FEV: variants seen among roughly 807,000 people sequenced by gnomAD.
The protein encoded by FEV is FEV transcription factor, ETS family member, also known as protein FEV.
In FEV, 14 loss-of-function variants were observed where a neutral mutation model predicts 20.5. The observed-to-expected ratio is 0.68, with a 90% CI of 0.45 to 1.07. The LOEUF (loss-of-function observed/expected upper bound fraction) is 1.07. Ranked by LOEUF, FEV falls within the 50% of genes least tolerant of loss-of-function variation. FEV has a pLI of 0.00. For synonymous variants in FEV, 188 were observed against 163.7 expected (o/e 1.15, Z -1.13); for missense variants, 301 against 345.3 (o/e 0.87, Z 1.02).
rs1945415090 is a variant in FEV, at chr2:218,984,002, T to TG, written c.127+228dup. On this transcript the variant is annotated intron_variant, in intron 2 of 2. Coordinates refer to ENST00000295727, the MANE Select transcript of FEV (RefSeq NM_017521.3). The surrounding 1 kb of genome is among the most constrained non-coding windows in gnomAD (Gnocchi z 5.0). ...AACCATACACAGCAGCAAAAGGGCC[T>TG]GGGGCTGGGATCCTCTCCATCTGCC... 6.6e-6 allele frequency among the ~76,000 whole-genome samples: 1 copy of TG among 152,192 alleles called. No individual in the cohort carries two copies. Among genetic ancestry groups the TG allele is most frequent in the African/African-American group, 2.4e-5 (1 of 41,446 alleles).
Position 218,984,454 on chromosome 2 carries a change from C to A in FEV, c.53-149G>T, listed in dbSNP as rs780758293. The A allele has an allele frequency of 2.6e-5, 18 of 693,416 alleles. No homozygotes were observed. Among genetic ancestry groups the A allele is most frequent in the Non-Finnish European group, 4.0e-5 (17 of 426,894 alleles). The allele number at this position is 693,416 out of a possible 1,614,324, so 43.0% of individuals were successfully genotyped here. A position where few individuals can be genotyped will look rare whatever the true frequency, so the allele number is the denominator to read the frequency against. ...GGCCACCCGGCTCCTCCTCCCGGAG[C>A]CTGGTCCAGGCGCGCTGCGCGGAGC... is the stretch of plus-strand genomic sequence containing the variant. On this transcript the variant is annotated intron_variant, in intron 1 of 2. Coordinates refer to ENST00000295727, the MANE Select transcript of FEV (RefSeq NM_017521.3). This position sits in a 1 kb window ranked among gnomAD's most constrained non-coding sequence, Gnocchi z 5.0.
chr2:218,982,196 G>T lies in FEV; in HGVS notation c.188C>A (p.Ala63Asp), dbSNP rs779455782. 1 of 1,610,786 alleles carries T rather than the reference G, an allele frequency of 6.2e-7. No homozygotes were observed. The highest frequency in any genetic ancestry group is 1.7e-5 in the Admixed American group (1 of 59,824). ...ACCGCCCTCCCACGCGATGCAGCCG[G>T]CGTTCGCGCGGTCAGCCAGCAGCTC... ...LLELLADRAN[A>D]GCIAWEGGHG... The change falls in exon 3 of 3, where the codon GCC (alanine) becomes GAC (aspartate). Residue 63 changes from alanine (A) to aspartate (D), a missense_variant. Coordinates refer to ENST00000295727, the MANE Select transcript of FEV (RefSeq NM_017521.3).
In FEV at chr2:218,981,572, G is replaced by T; in HGVS notation, c.*95C>A. On this transcript the variant is annotated 3_prime_UTR_variant, in exon 3 of 3. Coordinates refer to ENST00000295727, the MANE Select transcript of FEV (RefSeq NM_017521.3). This position sits in a 1 kb window ranked among gnomAD's most constrained non-coding sequence, Gnocchi z 4.5. ...GGAGTAAACTCTGGATTAGAGGACG[G>T]TTGACGGAGGCTCCCGGGCCCTCCC... is the stretch of plus-strand genomic sequence containing the variant. 9.7e-7 allele frequency: 1 copy of T among 1,028,030 alleles called. No homozygotes were observed. Among genetic ancestry groups the T allele is most frequent in the Non-Finnish European group, 1.3e-6 (1 of 799,996 alleles). 63.7% of individuals were successfully genotyped at this position (1,028,030 alleles called of 1,614,324 possible).
In FEV at chr2:218,984,515, GA is replaced by G; in HGVS notation, c.53-211del. The G allele has an allele frequency of 2.1e-6, 1 of 484,764 alleles. No individual in the cohort carries two copies. The highest frequency in any genetic ancestry group is 3.7e-6 in the Non-Finnish European group (1 of 268,126). The allele number at this position is 484,764 out of a possible 1,614,324, so 30.0% of individuals were successfully genotyped here. On this transcript the variant is annotated intron_variant, in intron 1 of 2. Transcript: ENST00000295727. The surrounding 1 kb of genome is among the most constrained non-coding windows in gnomAD (Gnocchi z 5.0). Reference sequence around the variant, plus strand: ...AGCCCAAGTCAGGAAACGCGTCCAGGAAAAAGGAAATCCGCTTTCCGAAGGG... The same window carrying G: ...AGCCCAAGTCAGGAAACGCGTCCAGGAAAAGGAAATCCGCTTTCCGAAGGG...
chr2:218,983,529 C>G lies in FEV; in HGVS notation c.127+702G>C, dbSNP rs1461910401. On this transcript the variant is annotated intron_variant, in intron 2 of 2. Coordinates refer to ENST00000295727, the MANE Select transcript of FEV (RefSeq NM_017521.3). ...TTTGGGTACAAAGGTGCACCTGGCA[C>G]CAAAGGCGGAGCAACCTCAGCGGCT... Among the ~76,000 whole-genome samples the G allele has an allele frequency of 3.3e-5, 5 of 152,190 alleles. No homozygotes were observed. The South Asian group carries it at 1.0e-3, about 32-fold the overall frequency.
intron 2 of FEV, among the ~76,000 whole-genome samples, chr2:218,983,534 G>T (rs1205650350): frequency 6.6e-6 from 1 of 152,194 alleles, no homozygotes; most frequent in Non-Finnish European, 1.5e-5. Flanking sequence ...TGGCACCAAA[G>T]GCGGAGCAAC....
Position 218,984,201 on chromosome 2 carries a change from C to T in FEV, c.127+30G>A. On this transcript the variant is annotated intron_variant, in intron 2 of 2. Transcript: ENST00000295727. The surrounding 1 kb of genome is among the most constrained non-coding windows in gnomAD (Gnocchi z 5.0). ...GTGCCCTGACCCCAACCAACCTCGC[C>T]TCCGCCGCCCAGCGCGCCGGCCATC... is the stretch of plus-strand genomic sequence containing the variant. 4 of 1,563,688 alleles carry T rather than the reference C, an allele frequency of 2.6e-6. No individual in the cohort carries two copies. The highest frequency in any genetic ancestry group is 3.5e-6 in the Non-Finnish European group (4 of 1,154,050).
rs750128101 is a variant in FEV, at chr2:218,982,150, C to A, written c.234G>T (p.Thr78=). 11 of 1,613,328 alleles carry A rather than the reference C, an allele frequency of 6.8e-6. No individual in the cohort carries two copies. In the African/African-American group the frequency reaches 1.1e-4, roughly 16 times the overall value. The part of the protein sequence containing the change: ...WEGGHGEFKL[T]DPDEVARRWG... ...ACCGCCGCGCCACCTCGTCCGGGTC[C>A]GTGAGCTTGAACTCGCCGTGACCGC... The change falls in exon 3 of 3, where the codon ACG becomes ACT. Residue 78 remains threonine (T), a synonymous_variant. Transcript: ENST00000295727.
intron 2 of FEV, among the ~76,000 whole-genome samples, chr2:218,983,117 A>G (rs1036255002): frequency 1.3e-5 from 2 of 151,448 alleles, no homozygotes; most frequent in South Asian, 2.1e-4. Context: ...TTGGCTACCA[A>G]CCTCCTCCTG....
At position 218,981,812 on chromosome 2, in the gene FEV, C is replaced by G; in HGVS notation, c.572G>C (p.Gly191Ala). 1 of 1,242,504 alleles carries G rather than the reference C, an allele frequency of 8.0e-7. No homozygotes were observed. Among genetic ancestry groups the G allele is most frequent in the Non-Finnish European group, 1.0e-6 (1 of 998,290 alleles). The allele number at this position is 1,242,504 out of a possible 1,614,324, so 77.0% of individuals were successfully genotyped here. A position where few individuals can be genotyped will look rare whatever the true frequency, so the allele number is the denominator to read the frequency against. The change falls in exon 3 of 3, where the codon GGC becomes GCC. Residue 191 changes from glycine to alanine, a missense_variant. Transcript: ENST00000295727. This position sits in a 1 kb window ranked among gnomAD's most constrained non-coding sequence, Gnocchi z 4.5. ...GCCCGGGCCCGGCCAGTAGGAGAAG[C>G]CGGCGGGCGCGACCCCGGCCGAGGC... is the stretch of plus-strand genomic sequence containing the variant. ...MAASAGVAPA[G>A]FSYWPGPGPA...
At position 218,981,783 on chromosome 2, in the gene FEV, CG is replaced by C; in HGVS notation, c.600del (p.Ala201ProfsTer158). On this transcript the variant is annotated frameshift_variant, in exon 3 of 3. Coordinates refer to ENST00000295727, the MANE Select transcript of FEV (RefSeq NM_017521.3). LOFTEE classifies it high-confidence loss of function. The surrounding 1 kb of genome is among the most constrained non-coding windows in gnomAD (Gnocchi z 4.5). The stretch of plus-strand genomic sequence containing the variant: ...GCGGTGGCGGCGGCAGCGGTGGCGG[CG>C]GGGCCCGGGCCCGGCCAGTAGGAGA... ...AGFSYWPGPG[P>X]AATAAAATAA... 1 of 1,262,950 alleles carries C rather than the reference CG, an allele frequency of 7.9e-7. No individual in the cohort carries two copies. The highest frequency in any genetic ancestry group is 9.9e-7 in the Non-Finnish European group (1 of 1,010,994). 78.2% of individuals were successfully genotyped at this position (1,262,950 alleles called of 1,614,324 possible).
Position 218,981,651 on chromosome 2 carries a change from C to T in FEV, c.*16G>A. 1 of 1,292,266 alleles carries T rather than the reference C, an allele frequency of 7.7e-7. No individual in the cohort carries two copies. Among genetic ancestry groups the T allele is most frequent in the Non-Finnish European group, 9.8e-7 (1 of 1,023,682 alleles). The allele number at this position is 1,292,266 out of a possible 1,614,324, so 80.0% of individuals were successfully genotyped here. A position where few individuals can be genotyped will look rare whatever the true frequency, so the allele number is the denominator to read the frequency against. On this transcript the variant is annotated 3_prime_UTR_variant, in exon 3 of 3. Coordinates refer to ENST00000295727, the MANE Select transcript of FEV (RefSeq NM_017521.3). This position sits in a 1 kb window ranked among gnomAD's most constrained non-coding sequence, Gnocchi z 4.5. ...CTAGGCGTGCGGGCGAGGCCGCAGG[C>T]ACCCGACCGCCCCGTCTAGTGGTAA...
chr2:218,981,665 G>C lies in FEV; in HGVS notation c.*2C>G. On this transcript the variant is annotated 3_prime_UTR_variant, in exon 3 of 3. Coordinates refer to ENST00000295727, the MANE Select transcript of FEV (RefSeq NM_017521.3). The surrounding 1 kb of genome is among the most constrained non-coding windows in gnomAD (Gnocchi z 4.5). ...GAGGCCGCAGGCACCCGACCGCCCC[G>C]TCTAGTGGTAATGGCCCCCCAAGTG... 1 of 1,324,882 alleles carries C rather than the reference G, an allele frequency of 7.5e-7. No homozygotes were observed. The allele number at this position is 1,324,882 out of a possible 1,614,324, so 82.1% of individuals were successfully genotyped here.
Position 218,981,694 on chromosome 2 carries a change from G to A in FEV, c.690C>T (p.Ala230=), listed in dbSNP as rs546967536. The change falls in exon 3 of 3, where the codon GCC becomes GCT. Residue 230 remains alanine (A), a synonymous_variant. Coordinates refer to ENST00000295727, the MANE Select transcript of FEV (RefSeq NM_017521.3). This position sits in a 1 kb window ranked among gnomAD's most constrained non-coding sequence, Gnocchi z 4.5. ...AGTGGTAATGGCCCCCCAAGTGCGA[G>A]GCTGCGGCCACGGCCCCGAAGGGCC... ...PPGPFGAVAA[A]SHLGGHYH is the part of the protein sequence containing the mutation. The A allele has an allele frequency of 7.4e-7, 1 of 1,342,694 alleles. No individual in the cohort carries two copies. The highest frequency in any genetic ancestry group is 9.5e-7 in the Non-Finnish European group (1 of 1,052,930). 83.2% of individuals were successfully genotyped at this position (1,342,694 alleles called of 1,614,324 possible). A position where few individuals can be genotyped will look rare whatever the true frequency, so the allele number is the denominator to read the frequency against.
At position 218,981,655 on chromosome 2, in the gene FEV, C is replaced by A; in HGVS notation, c.*12G>T. The stretch of plus-strand genomic sequence containing the variant: ...GCGTGCGGGCGAGGCCGCAGGCACC[C>A]GACCGCCCCGTCTAGTGGTAATGGC... On this transcript the variant is annotated 3_prime_UTR_variant, in exon 3 of 3. Coordinates refer to ENST00000295727, the MANE Select transcript of FEV (RefSeq NM_017521.3). This position sits in a 1 kb window ranked among gnomAD's most constrained non-coding sequence, Gnocchi z 4.5. The A allele has an allele frequency of 5.4e-6, 7 of 1,299,808 alleles. No homozygotes were observed. The highest frequency in any genetic ancestry group is 5.8e-6 in the Non-Finnish European group (6 of 1,029,234). The allele number at this position is 1,299,808 out of a possible 1,614,324, so 80.5% of individuals were successfully genotyped here. A position where few individuals can be genotyped will look rare whatever the true frequency, so the allele number is the denominator to read the frequency against.
In FEV at chr2:218,982,127, C is replaced by T. The variant is rs1559099487; in HGVS notation, c.257G>A (p.Arg86Gln). 3 of 1,613,620 alleles carry T rather than the reference C, an allele frequency of 1.9e-6. No individual in the cohort carries two copies. The highest frequency in any genetic ancestry group is 1.1e-5 in the South Asian group (1 of 91,078). Residue 86 changes from arginine to glutamine, a missense_variant, in exon 3 of 3, where the codon CGG (arginine) becomes CAG (glutamine). Arg to Gln is a conservative substitution (Grantham distance 43, BLOSUM62 1). Coordinates refer to ENST00000295727, the MANE Select transcript of FEV (RefSeq NM_017521.3). ...KLTDPDEVAR[R>Q]WGERKSKPNM... is the part of the protein sequence containing the mutation. ...GGGCTTGCTCTTGCGCTCGCCCCAC[C>T]GCCGCGCCACCTCGTCCGGGTCCGT...
chr2:218,982,812 C>T (rs760528289), intron 2 of FEV, among the ~76,000 whole-genome samples: 4 of 152,208 alleles, frequency 2.6e-5, no homozygotes, highest in Non-Finnish European at 4.4e-5. Context: ...TCCCGAGTCC[C>T]CAAAGACGTA....
chr2:218,984,713 C>T lies in FEV; in HGVS notation c.52+311G>A, dbSNP rs1223735843. Among the ~76,000 whole-genome samples, 7 of 152,084 alleles carry T rather than the reference C, an allele frequency of 4.6e-5. No homozygotes were observed. Among genetic ancestry groups the T allele is most frequent in the African/African-American group, 1.4e-4 (6 of 41,412 alleles). ...CCACAGCCTTCTGGTACGGCTCGGC[C>T]ACAGAGTACTCCACCACGCCAGAGA... On this transcript the variant is annotated intron_variant, in intron 1 of 2. Transcript: ENST00000295727. This position sits in a 1 kb window ranked among gnomAD's most constrained non-coding sequence, Gnocchi z 5.0.
In FEV at chr2:218,981,708, C is replaced by A; in HGVS notation, c.676G>T (p.Ala226Ser). ...SLQPPPGPFGAVAAASHLGGH... is the reference protein window; with the variant it reads ...SLQPPPGPFGSVAAASHLGGH... ...CCCAAGTGCGAGGCTGCGGCCACGG[C>A]CCCGAAGGGCCCGGGCGGGGGCTGC... Residue 226 changes from alanine (A) to serine (S), a missense_variant, in exon 3 of 3, where the codon GCC (alanine) becomes TCC (serine). Physicochemically the swap from Ala to Ser is moderately conservative, Grantham distance 99. Transcript: ENST00000295727. This position sits in a 1 kb window ranked among gnomAD's most constrained non-coding sequence, Gnocchi z 4.5. 7.5e-7 allele frequency: 1 copy of A among 1,340,068 alleles called. No individual in the cohort carries two copies. Among genetic ancestry groups the A allele is most frequent in the African/African-American group, 1.5e-5 (1 of 65,616 alleles). The allele number at this position is 1,340,068 out of a possible 1,614,324, so 83.0% of individuals were successfully genotyped here.
Sources: gnomAD v4.1 joint callset for allele counts (sites outside exome capture counted in the v4.1 genomes callset) on GRCh38, gnomAD v4.1.1 for gene constraint, Gnocchi (gnomAD v3.1) non-coding constraint, MANE v1.5 for transcripts, NCBI Gene and HGNC (gene_info 2026-07-23, HGNC 2026-07-21) for gene names.